The following RYR2 variants were observed in gnomAD, a reference collection of about 807,000 sequenced individuals.
RYR2 encodes the protein ryanodine receptor 2, also known as cardiac muscle ryanodine receptor-calcium release channel.
A neutral mutation model predicts 601.1 loss-of-function variants in RYR2; 227 were observed. The observed-to-expected ratio is 0.38, with a 90% CI of 0.34 to 0.42. The LOEUF (loss-of-function observed/expected upper bound fraction) is 0.42. RYR2 is among the 10% of genes least tolerant of loss of function. The probability of loss-of-function intolerance (pLI) is 1.00; values close to 1 mark genes in which losing one functional copy is unlikely to be tolerated. For synonymous variants in RYR2, 2,223 were observed against 2,175.1 expected (o/e 1.02, Z -0.61); for missense variants, 4,646 against 6,156.5 (o/e 0.75, Z 8.21).
intron 34 of RYR2, among the ~76,000 whole-genome samples, chr1:237,599,154 AG>A (rs1371633491): frequency 6.6e-6 from 1 of 152,216 alleles, no homozygotes; most frequent in Middle Eastern, 3.2e-3. Flanking sequence ...TCTCTATCAA[AG>A]AAAAGCCCAG....
intron 49 of RYR2, 114 bp downstream of exon 49, chr1:237,648,727 C>T: frequency 1.7e-6 from 2 of 1,206,328 alleles, no homozygotes; most frequent in Non-Finnish European, 2.3e-6. Context: ...TTATTGAGTA[C>T]CTGTTATATT....
chr1:237,245,989 C>T (rs1251347514), intron 1 of RYR2, among the ~76,000 whole-genome samples: 3 of 152,174 alleles, frequency 2.0e-5, no homozygotes, highest in African/African-American at 7.2e-5. Flanking sequence ...CCCATGTTGA[C>T]CTGGCTGGTC....
At chr1:237,297,223 G>A (rs935932964) in intron 2 of RYR2, among the ~76,000 whole-genome samples, 8 of 152,130 alleles carry the variant, frequency 5.3e-5, no homozygotes, top group African/African-American at 1.9e-4. Flanking sequence ...CAGAATGCGA[G>A]GGCAAAGATT....
chr1:237,686,737 G>A (rs1011332956), intron 62 of RYR2, among the ~76,000 whole-genome samples: 2 of 152,126 alleles, frequency 1.3e-5, no homozygotes, highest in African/African-American at 4.8e-5. Flanking sequence ...ATGGCTCATT[G>A]CTAATTGCCA....
chr1:237,399,399 G>A (rs1005370554), intron 10 of RYR2, among the ~76,000 whole-genome samples: 2 of 152,060 alleles, frequency 1.3e-5, no homozygotes, highest in African/African-American at 4.8e-5. Context: ...GAAATGAGAG[G>A]GAGGTGGATG....
At chr1:237,244,661 G>A (rs368919455) in intron 1 of RYR2, among the ~76,000 whole-genome samples, 14 of 152,138 alleles carry the variant, frequency 9.2e-5, no homozygotes, top group East Asian at 7.7e-4. Context: ...TCGGAATCCC[G>A]TCTCTATCAC....
At chr1:237,565,171 CT>C (rs763700899) in intron 27 of RYR2, among the ~76,000 whole-genome samples, 669 of 30,912 alleles carry the variant, frequency 0.022, 19 homozygotes, top group African/African-American at 0.04. Context: ...TTCTTTCTTT[CT>C]TTCTTTCTTT....
intron 1 of RYR2, among the ~76,000 whole-genome samples, chr1:237,170,836 T>C (rs980600893): frequency 2.0e-5 from 3 of 151,996 alleles, no homozygotes; most frequent in African/African-American, 7.3e-5. Flanking sequence ...TATGTGTAGG[T>C]GTAGGTTTCT....
intron 35 of RYR2, among the ~76,000 whole-genome samples, chr1:237,604,487 C>T (rs989744325): frequency 3.9e-5 from 6 of 152,146 alleles, no homozygotes; most frequent in Admixed American, 3.3e-4. Flanking sequence ...CTAAAATTGA[C>T]ACCCTAACAT....
At chr1:237,755,462 C>G (rs978847612) in intron 80 of RYR2, among the ~76,000 whole-genome samples, 2 of 152,236 alleles carry the variant, frequency 1.3e-5, no homozygotes, top group African/African-American at 4.8e-5. Flanking sequence ...GATGGACTCA[C>G]TGTCATAGGG....
chr1:237,817,213 C>G (rs1661934494), intron 100 of RYR2, among the ~76,000 whole-genome samples: 1 of 152,164 alleles, frequency 6.6e-6, no homozygotes, highest in Admixed American at 6.5e-5. Context: ...ACATTTAATT[C>G]TGTTCCCTAA....
intron 2 of RYR2, among the ~76,000 whole-genome samples, chr1:237,281,347 T>C (rs61834060): frequency 0.13 from 19,240 of 152,218 alleles, 1,429 homozygotes; most frequent in East Asian, 0.18. Flanking sequence ...GAATTCTCAT[T>C]GTAGTCATAG....
At chr1:237,053,589 G>T (rs1440047874) in intron 1 of RYR2, among the ~76,000 whole-genome samples, 1 of 152,196 alleles carries the variant, frequency 6.6e-6, no homozygotes, top group African/African-American at 2.4e-5. Context: ...ACCTCTTCCT[G>T]CGCCAGCGCC....
At chr1:237,132,804 G>A (rs1672300062) in intron 1 of RYR2, among the ~76,000 whole-genome samples, 1 of 152,212 alleles carries the variant, frequency 6.6e-6, no homozygotes, top group South Asian at 2.1e-4. Flanking sequence ...TACATTGAGA[G>A]TAAGGATTGG....
intron 27 of RYR2, among the ~76,000 whole-genome samples, chr1:237,563,709 A>C (rs868609215): frequency 2.8e-5 from 4 of 143,592 alleles, no homozygotes; most frequent in Middle Eastern, 3.4e-3. Context: ...TTTAATTCCA[A>C]GAGAATTGTG....
Position 237,492,910 on chromosome 1 carries a change from CAGGG to C in RYR2, c.1828-32_1828-29del, listed in dbSNP as rs1663572837. The C allele has an allele frequency of 6.1e-6, 7 of 1,143,044 alleles. No individual in the cohort carries two copies. In the South Asian group the frequency reaches 6.6e-5, roughly 11 times the overall value. The allele number at this position is 1,143,044 out of a possible 1,614,324, so 70.8% of individuals were successfully genotyped here. A position where few individuals can be genotyped will look rare whatever the true frequency, so the allele number is the denominator to read the frequency against. Reference sequence around the variant, plus strand: ...AAGGGAGGGAGGGAGGGAGGGAAAGCAGGGAGGGAGGGAGGATCAGCTGAAAGTA... The same window carrying C: ...AAGGGAGGGAGGGAGGGAGGGAAAGCAGGGAGGGAGGATCAGCTGAAAGTA... On this transcript the variant is annotated intron_variant, in intron 18 of 104. Coordinates refer to ENST00000366574, the MANE Select transcript of RYR2 (RefSeq NM_001035.3).
intron 2 of RYR2, among the ~76,000 whole-genome samples, chr1:237,284,254 A>G (rs7524789): frequency 0.81 from 123,179 of 151,164 alleles, 50,288 homozygotes; most frequent in South Asian, 0.92. Context: ...GGTCGCGGGC[A>G]CCTGTAATCC....
At chr1:237,154,532 C>CT (rs1219538927) in intron 1 of RYR2, among the ~76,000 whole-genome samples, 1 of 152,232 alleles carries the variant, frequency 6.6e-6, no homozygotes, top group East Asian at 1.9e-4. Flanking sequence ...TGTAGATTTT[C>CT]AGGCAGGTGC....
In RYR2 at chr1:237,666,375, AT is replaced by A. The variant is rs1267905469; in HGVS notation, c.8437-133del. 4 of 703,050 alleles carry A rather than the reference AT, an allele frequency of 5.7e-6. No homozygotes were observed. The African/African-American group carries it at 7.3e-5, about 13-fold the overall frequency. The allele number at this position is 703,050 out of a possible 1,614,324, so 43.6% of individuals were successfully genotyped here. A position where few individuals can be genotyped will look rare whatever the true frequency, so the allele number is the denominator to read the frequency against. The stretch of plus-strand genomic sequence containing the variant: ...ATGTGCGAGATGTGTTTACAACATC[AT>A]TTTGTATAGAAACTTGCCAGTTTTA... On this transcript the variant is annotated intron_variant, in intron 56 of 104. Coordinates refer to ENST00000366574, the MANE Select transcript of RYR2 (RefSeq NM_001035.3).
Sources: gnomAD v4.1 joint callset for allele counts (sites outside exome capture counted in the v4.1 genomes callset) on GRCh38, gnomAD v4.1.1 for gene constraint, MANE v1.5 for transcripts, NCBI Gene and HGNC (gene_info 2026-07-23, HGNC 2026-07-21) for gene names.